AGAP3: variants seen among roughly 807,000 people sequenced by gnomAD.
AGAP3 encodes the protein ArfGAP with GTPase domain, ankyrin repeat and PH domain 3.
In AGAP3, 24 loss-of-function variants were observed where a neutral mutation model predicts 96.9. The observed-to-expected ratio is 0.25, with a 90% CI of 0.18 to 0.35. The LOEUF is 0.35. Ranked by LOEUF, AGAP3 falls within the 10% of genes least tolerant of loss-of-function variation. The pLI is 1.00. For missense variants in AGAP3, 876 were observed against 1,254.2 expected (o/e 0.70, Z 4.55); for synonymous variants, 563 against 536.1 (o/e 1.05, Z -0.69).
chr7:151,109,671 G>C (rs1283759868), intron 1 of AGAP3, among the ~76,000 whole-genome samples: 1 of 152,202 alleles, frequency 6.6e-6, no homozygotes, highest in Non-Finnish European at 1.5e-5. Flanking sequence ...CTGGGGGTTA[G>C]GACTCAGGGC....
At position 151,144,249 on chromosome 7, in the gene AGAP3, G is replaced by A. The variant is rs775494991; in HGVS notation, c.*306G>A. 2.8e-5 allele frequency: 11 copies of A among 396,676 alleles called. No homozygotes were observed. In the East Asian group the frequency reaches 4.5e-4, roughly 16 times the overall value. 24.6% of individuals were successfully genotyped at this position (396,676 alleles called of 1,614,324 possible). On this transcript the variant is annotated 3_prime_UTR_variant, in exon 18 of 18. Coordinates refer to ENST00000397238, the MANE Select transcript of AGAP3 (RefSeq NM_031946.7). ...CTCCTCCAGATCCCTGCCTCCTAGT[G>A]CCAGCCCCTCACACGCCTTCATCCT...
rs1486440256 is a variant in AGAP3 at position 151,143,037 on chromosome 7, C to T, written c.2274-304C>T. Among the ~76,000 whole-genome samples, 2 of 152,168 alleles carry T rather than the reference C, an allele frequency of 1.3e-5. No individual in the cohort carries two copies. The highest frequency in any genetic ancestry group is 4.8e-5 in the African/African-American group (2 of 41,442). On this transcript the variant is annotated intron_variant, in intron 16 of 17. Transcript: ENST00000397238. The surrounding 1 kb of genome is among the most constrained non-coding windows in gnomAD (Gnocchi z 5.9). ...AGAGTTCAGACGGCCAGATAAGCTG[C>T]AACACGGGCCTGCCTGGAATCTTCC...
intron 10 of AGAP3, among the ~76,000 whole-genome samples, 169 bp from the exon 11 acceptor site, chr7:151,134,231 C>G (rs80221684): frequency 6.6e-6 from 1 of 152,092 alleles, no homozygotes; most frequent in African/African-American, 2.4e-5. Context: ...CCGTGGAGAT[C>G]GAGGTGGAAT....
intron 1 of AGAP3, among the ~76,000 whole-genome samples, chr7:151,112,435 G>GTA: frequency 7.0e-6 from 1 of 143,814 alleles, no homozygotes; most frequent in South Asian, 2.2e-4. Context: ...GTGTGTGTGT[G>GTA]TCCAGCATGT....
intron 1 of AGAP3, among the ~76,000 whole-genome samples, chr7:151,112,948 G>A (rs1400878747): frequency 1.3e-4 from 20 of 152,158 alleles, no homozygotes; most frequent in Admixed American, 1.3e-3. Context: ...TGGCCAGGCT[G>A]GTCTCGGACT....
intron 10 of AGAP3, among the ~76,000 whole-genome samples, chr7:151,130,226 C>T (rs927137535): frequency 6.6e-6 from 1 of 152,216 alleles, no homozygotes; most frequent in African/African-American, 2.4e-5. Flanking sequence ...TCTGTGCCCT[C>T]TGCCAACAGT....
At chr7:151,097,931 A>G (rs954460055) in intron 1 of AGAP3, among the ~76,000 whole-genome samples, 1 of 152,202 alleles carries the variant, frequency 6.6e-6, no homozygotes, top group Non-Finnish European at 1.5e-5. Context: ...TTCTGTTCAT[A>G]CCACGTCTTC....
At position 151,142,146 on chromosome 7, in the gene AGAP3, C is replaced by T. The variant is rs758484828; in HGVS notation, c.1960-17C>T. ...TGACCAACCGCCCCTTGTCTTGTCT[C>T]TCCTGCTGTGCGACAGACTCGACTG... On this transcript the variant is annotated splice_polypyrimidine_tract_variant and intron_variant, in intron 14 of 17. Coordinates refer to ENST00000397238, the MANE Select transcript of AGAP3 (RefSeq NM_031946.7). The surrounding 1 kb of genome is among the most constrained non-coding windows in gnomAD (Gnocchi z 7.5). 6.2e-6 allele frequency: 10 copies of T among 1,613,368 alleles called. No homozygotes were observed. The highest frequency in any genetic ancestry group is 8.5e-6 in the Non-Finnish European group (10 of 1,179,638).
intron 11 of AGAP3, chr7:151,137,923 G>A: frequency 1.8e-6 from 1 of 567,598 alleles, no homozygotes. Flanking sequence ...TGAGGGGACA[G>A]AGCTGTGGAC....
chr7:151,122,001 C>T (rs1799918080), intron 8 of AGAP3, among the ~76,000 whole-genome samples: 1 of 152,224 alleles, frequency 6.6e-6, no homozygotes, highest in South Asian at 2.1e-4. Flanking sequence ...ACTTCATGTG[C>T]TCATTTCGTT....
chr7:151,122,988 A>G, intron 8 of AGAP3: 1 of 1,420,246 alleles, frequency 7.0e-7, no homozygotes, highest in Non-Finnish European at 9.1e-7. Flanking sequence ...GCCGGGGACC[A>G]GGCCCGGCCG....
At chr7:151,103,071 G>A (rs1046621011) in intron 1 of AGAP3, among the ~76,000 whole-genome samples, 7 of 152,226 alleles carry the variant, frequency 4.6e-5, no homozygotes, top group Middle Eastern at 3.2e-3. Context: ...ACACACACAA[G>A]AAAGAATGCC....
chr7:151,087,253 G>A (rs1027185577), intron 1 of AGAP3, 181 bp downstream of exon 1: 3 of 663,638 alleles, frequency 4.5e-6, no homozygotes, highest in Admixed American at 2.6e-5. Context: ...GCCATATCTC[G>A]TTCGGGGACA....
Position 151,138,201 on chromosome 7 carries a change from G to T in AGAP3, c.1554G>T (p.Ser518=), listed in dbSNP as rs775284446. ...SLHSERPLSS[S]AWAGPRPEGL... ...ACTCTGAGCGCCCCCTCAGCAGCTC[G>T]GCCTGGGCTGGCCCGCGCCCTGAGG... The change falls in exon 12 of 18, where the codon TCG becomes TCT. Residue 518 remains serine (S), a synonymous_variant. Coordinates refer to ENST00000397238, the MANE Select transcript of AGAP3 (RefSeq NM_031946.7). The T allele has an allele frequency of 6.8e-6, 11 of 1,610,608 alleles. No homozygotes were observed. The South Asian group carries it at 1.2e-4, about 18-fold the overall frequency.
At chr7:151,110,154 C>G (rs570923915) in intron 1 of AGAP3, among the ~76,000 whole-genome samples, 19 of 152,338 alleles carry the variant, frequency 1.2e-4, no homozygotes, top group African/African-American at 4.3e-4. Flanking sequence ...ACTGGCCCAG[C>G]CAGGGCCCAT....
intron 7 of AGAP3, 77 bp from the exon 8 acceptor site, chr7:151,119,910 A>G (rs990782822): frequency 1.4e-4 from 201 of 1,478,952 alleles, no homozygotes; most frequent in Non-Finnish European, 1.7e-4. Flanking sequence ...CCATTAGCAC[A>G]GGGATTCCCG....
At chr7:151,135,695 C>T (rs980242469) in intron 11 of AGAP3, among the ~76,000 whole-genome samples, 1 of 152,180 alleles carries the variant, frequency 6.6e-6, no homozygotes, top group Non-Finnish European at 1.5e-5. Context: ...AGGGGAGTGG[C>T]CAGGGGGAGG....
In AGAP3 at chr7:151,139,890, G is replaced by A; in HGVS notation, c.1667-89G>A. 2.4e-6 allele frequency: 3 copies of A among 1,266,862 alleles called. No individual in the cohort carries two copies. Among genetic ancestry groups the A allele is most frequent in the South Asian group, 1.9e-5 (1 of 52,460 alleles). The allele number at this position is 1,266,862 out of a possible 1,614,324, so 78.5% of individuals were successfully genotyped here. A position where few individuals can be genotyped will look rare whatever the true frequency, so the allele number is the denominator to read the frequency against. ...AGTGTGGCCCAGCTACAGTTGGCAG[G>A]ACTGGTCCTCTCCTCCTCCCAGTGC... is the stretch of plus-strand genomic sequence containing the variant. On this transcript the variant is annotated intron_variant, in intron 12 of 17. Transcript: ENST00000397238. This position sits in a 1 kb window ranked among gnomAD's most constrained non-coding sequence, Gnocchi z 4.9.
At chr7:151,085,993 A>C (rs1798128997), upstream of AGAP3, 1 of 152,416 alleles carries the variant, frequency 6.6e-6, no homozygotes, top group Non-Finnish European at 1.5e-5. Context: ...CCTATGCCGC[A>C]CTGAAGGCGG....
Sources: gnomAD v4.1 joint callset for allele counts (sites outside exome capture counted in the v4.1 genomes callset) on GRCh38, gnomAD v4.1.1 for gene constraint, Gnocchi (gnomAD v3.1) non-coding constraint, MANE v1.5 for transcripts, NCBI Gene and HGNC (gene_info 2026-07-23, HGNC 2026-07-21) for gene names.